The following IMPG1 variants were observed in gnomAD, a reference collection of about 807,000 sequenced individuals.
The protein encoded by IMPG1 is interphotoreceptor matrix proteoglycan of 150 kDa.
Under a neutral mutation model 92.0 loss-of-function variants are expected in IMPG1, and 85 were observed. The observed-to-expected ratio is 0.92, with a 90% CI of 0.78 to 1.11. IMPG1 has a LOEUF of 1.11. IMPG1 is among the 50% of genes least tolerant of loss of function. IMPG1 has a pLI of 0.00. For missense variants in IMPG1, 1,022 were observed against 956.0 expected, an observed-to-expected ratio of 1.07 and a Z score of -0.91; for synonymous variants, 367 against 334.1, an observed-to-expected ratio of 1.10 and a Z score of -1.08.
In IMPG1 at chr6:75,997,812, G is replaced by A. The variant is rs1782926949; in HGVS notation, c.1291+5106C>T. On this transcript the variant is annotated intron_variant, in intron 12 of 16. Transcript: ENST00000369950. The stretch of plus-strand genomic sequence containing the variant: ...CATATCTTTTTACTTCAGGAATTCA[G>A]TCTTGGAGGGATTCCAGACATGCAT... Among the ~76,000 whole-genome samples, 4 of 152,170 alleles carry A rather than the reference G, an allele frequency of 2.6e-5. No individual in the cohort carries two copies. In the South Asian group the frequency reaches 8.3e-4, roughly 32 times the overall value.
At chr6:76,067,607 A>G (rs1470393947) in intron 1 of IMPG1, among the ~76,000 whole-genome samples, 1 of 152,060 alleles carries the variant, frequency 6.6e-6, no homozygotes, top group African/African-American at 2.4e-5. Flanking sequence ...TCTACCAGAC[A>G]TACAAAAAAG....
At position 75,921,578 on chromosome 6, in the gene IMPG1, T is replaced by C. The variant is rs1781429665; in HGVS notation, c.*511A>G. On this transcript the variant is annotated 3_prime_UTR_variant, in exon 17 of 17. Coordinates refer to ENST00000369950, the MANE Select transcript of IMPG1 (RefSeq NM_001563.4). ...AACTGAATACTGAGGTTTGTGTTTATCAGACGTAGTGTGGAGCATATATAC... is the reference window on the plus strand; with the variant it reads ...AACTGAATACTGAGGTTTGTGTTTACCAGACGTAGTGTGGAGCATATATAC... The C allele has an allele frequency of 6.5e-6, 1 of 152,750 alleles. No individual in the cohort carries two copies. Among genetic ancestry groups the C allele is most frequent in the Admixed American group, 6.5e-5 (1 of 15,280 alleles). 9.5% of individuals were successfully genotyped at this position (152,750 alleles called of 1,614,324 possible).
At chr6:75,927,495 T>C (rs1287425139) in intron 15 of IMPG1, among the ~76,000 whole-genome samples, 1 of 152,110 alleles carries the variant, frequency 6.6e-6, no homozygotes, top group Non-Finnish European at 1.5e-5. Flanking sequence ...GAGAAGCAGG[T>C]CACGGAGATG....
chr6:75,924,091 T>C (rs1043152210), intron 15 of IMPG1, among the ~76,000 whole-genome samples: 2 of 151,942 alleles, frequency 1.3e-5, no homozygotes, highest in African/African-American at 4.8e-5. Context: ...AGCCAAAAGA[T>C]AACAAATGTT....
chr6:76,007,335 A>G, intron 9 of IMPG1, 145 bp downstream of exon 9: 1 of 598,610 alleles, frequency 1.7e-6, no homozygotes, highest in Non-Finnish European at 2.9e-6. Context: ...ACAATTGTTC[A>G]ATTACTTCCA....
At chr6:76,069,480 C>A (rs1318105140) in intron 1 of IMPG1, among the ~76,000 whole-genome samples, 1 of 152,100 alleles carries the variant, frequency 6.6e-6, no homozygotes, top group Admixed American at 6.6e-5. Context: ...ATGTACCTAA[C>A]AAAGGGCTAA....
At chr6:75,956,382 G>A (rs528264903) in intron 12 of IMPG1, among the ~76,000 whole-genome samples, 146 of 152,208 alleles carry the variant, frequency 9.6e-4, no homozygotes, top group African/African-American at 3.2e-3. Flanking sequence ...CTTTACTTGC[G>A]TAGAGGTGTT....
chr6:76,042,058 C>T lies in IMPG1; in HGVS notation c.136G>A (p.Glu46Lys). The change falls in exon 2 of 17, where the codon GAA (glutamate) becomes AAA (lysine). Residue 46 changes from glutamate to lysine, a missense_variant. Coordinates refer to ENST00000369950, the MANE Select transcript of IMPG1 (RefSeq NM_001563.4). ...ATTTTGTACATTTTTTCAGTACTTT[C>T]AGTTGTTTCATTTCTTGGGGGATTG... is the stretch of plus-strand genomic sequence containing the variant. ...IDNPPRNETT[E>K]STEKMYKMST... The T allele has an allele frequency of 6.2e-7, 1 of 1,611,360 alleles. No individual in the cohort carries two copies. Among genetic ancestry groups the T allele is most frequent in the Non-Finnish European group, 8.5e-7 (1 of 1,177,592 alleles).
chr6:75,925,060 A>C (rs1340323500), intron 15 of IMPG1, among the ~76,000 whole-genome samples: 1 of 151,722 alleles, frequency 6.6e-6, no homozygotes, highest in Non-Finnish European at 1.5e-5. Flanking sequence ...GTCCTATTGC[A>C]CAGTAGGATG....
At chr6:75,965,951 C>A (rs1396064302) in intron 12 of IMPG1, among the ~76,000 whole-genome samples, 1 of 152,132 alleles carries the variant, frequency 6.6e-6, no homozygotes, top group African/African-American at 2.4e-5. Flanking sequence ...AGATTTTCGC[C>A]AGTCTGTATC....
At chr6:76,005,659 A>G (rs964156786) in intron 9 of IMPG1, 125 bp from the exon 10 acceptor site, 1 of 862,862 alleles carries the variant, frequency 1.2e-6, no homozygotes, top group South Asian at 1.7e-5. Context: ...CTCGGAGAGA[A>G]TATCCCACTT....
intron 12 of IMPG1, among the ~76,000 whole-genome samples, chr6:75,988,034 G>C (rs1782750784): frequency 6.6e-6 from 1 of 152,106 alleles, no homozygotes; most frequent in South Asian, 2.1e-4. Flanking sequence ...ATGGACATTT[G>C]GATTGGTTGC....
At chr6:76,044,678 G>A (rs561218408) in intron 1 of IMPG1, among the ~76,000 whole-genome samples, 5 of 149,532 alleles carry the variant, frequency 3.3e-5, no homozygotes, top group Non-Finnish European at 5.9e-5. Flanking sequence ...AACACTTTGC[G>A]CATATCCAGG....
intron 12 of IMPG1, among the ~76,000 whole-genome samples, chr6:75,968,608 A>T (rs532923180): frequency 6.6e-6 from 1 of 151,238 alleles, no homozygotes; most frequent in Admixed American, 6.6e-5. Flanking sequence ...TCCATCATTT[A>T]CTATTTTTCA....
chr6:76,025,155 A>C (rs1337960191), intron 5 of IMPG1, 39 bp downstream of exon 5: 1 of 1,184,446 alleles, frequency 8.4e-7, no homozygotes, highest in Non-Finnish European at 1.3e-6. Flanking sequence ...GATGATTTGA[A>C]TGAAAGTTGA....
Position 75,950,956 on chromosome 6 carries a change from G to A in IMPG1, c.1430C>T (p.Pro477Leu). ...ATCACTGGTGGGGATGGTGAGCCCT[G>A]GTACTAGCATTGTCTGGTCAGTGGC... is the stretch of plus-strand genomic sequence containing the variant. ...TMATDQTMLV[P>L]GLTIPTSDYS... The change falls in exon 13 of 17, where the codon CCA (proline) becomes CTA (leucine). Residue 477 changes from proline (P) to leucine (L), a missense_variant. By Grantham distance (98) the Pro-to-Leu change is moderately conservative. Transcript: ENST00000369950. 1 of 1,613,974 alleles carries A rather than the reference G, an allele frequency of 6.2e-7. No homozygotes were observed. Among genetic ancestry groups the A allele is most frequent in the Non-Finnish European group, 8.5e-7 (1 of 1,179,954 alleles).
intron 12 of IMPG1, among the ~76,000 whole-genome samples, chr6:75,959,440 C>A (rs999774044): frequency 3.3e-5 from 5 of 152,132 alleles, no homozygotes; most frequent in Admixed American, 2.0e-4. Flanking sequence ...CAGGCAGAAA[C>A]GTTTAAGTCT....
At position 75,947,306 on chromosome 6, in the gene IMPG1, T is replaced by C. The variant is rs1343169738; in HGVS notation, c.2044+8A>G. ...ATCTCTACCACTTTCTGGGTTGGAT[T>C]CTTTTACCTGGTTCAATGTTGAGAG... On this transcript the variant is annotated splice_region_variant and intron_variant, in intron 14 of 16. Transcript: ENST00000369950. The C allele has an allele frequency of 6.2e-7, 1 of 1,605,044 alleles. No homozygotes were observed. The highest frequency in any genetic ancestry group is 8.5e-7 in the Non-Finnish European group (1 of 1,172,546).
chr6:76,045,750 G>C (rs1783929771), intron 1 of IMPG1, among the ~76,000 whole-genome samples: 2 of 152,124 alleles, frequency 1.3e-5, no homozygotes, highest in African/African-American at 4.8e-5. Flanking sequence ...AAGGCAATTA[G>C]ACCAGATCAG....
Sources: allele counts gnomAD v4.1 joint callset (sites outside exome capture counted in the v4.1 genomes callset), GRCh38; gene constraint gnomAD v4.1.1; transcripts MANE v1.5; gene names NCBI Gene and HGNC (gene_info 2026-07-23, HGNC 2026-07-21).